UMAD1: variants seen among roughly 807,000 people sequenced by gnomAD.
UMAD1 encodes UBAP1-MVB12-associated (UMA) domain containing 1, also known as UBAP1-MVB12-associated (UMA)-domain containing protein 1.
UMAD1 carries 8 observed loss-of-function variants against 6.1 expected under a neutral mutation model. That is an observed-to-expected ratio of 1.30 (90% CI 0.76 to 2.35). UMAD1 has a LOEUF of 2.35. Among genes scored for constraint, UMAD1 ranks in the 30% most tolerant of loss-of-function variants. UMAD1 has a pLI of 0.00. For synonymous variants in UMAD1, 56 were observed against 31.4 expected, an observed-to-expected ratio of 1.78 and a Z score of -2.61; for missense variants, 130 against 78.4, an observed-to-expected ratio of 1.66 and a Z score of -2.49.
intron 3 of UMAD1, among the ~76,000 whole-genome samples, chr7:7,805,181 A>G (rs1341344374): frequency 6.6e-6 from 1 of 152,038 alleles, no homozygotes; most frequent in Non-Finnish European, 1.5e-5. Flanking sequence ...TCTGTACCCA[A>G]CTGCCTATGT....
At chr7:7,731,953 C>T (rs920391333) in intron 2 of UMAD1, among the ~76,000 whole-genome samples, 3 of 152,106 alleles carry the variant, frequency 2.0e-5, no homozygotes, top group Non-Finnish European at 4.4e-5. Context: ...TTTTCCTTAT[C>T]TGTACAATGG....
chr7:7,871,227 T>C (rs1224650614), intron 3 of UMAD1, among the ~76,000 whole-genome samples: 1 of 152,212 alleles, frequency 6.6e-6, no homozygotes, highest in Non-Finnish European at 1.5e-5. Context: ...TACAAAATAT[T>C]AGCATCTTTT....
At chr7:7,763,303 C>T (rs1361348095) in intron 2 of UMAD1, among the ~76,000 whole-genome samples, 1 of 151,946 alleles carries the variant, frequency 6.6e-6, no homozygotes, top group Non-Finnish European at 1.5e-5. Context: ...GGTGCATGCG[C>T]AAGTTTGTTA....
At chr7:7,749,111 T>C (rs1781630365) in intron 2 of UMAD1, among the ~76,000 whole-genome samples, 1 of 152,234 alleles carries the variant, frequency 6.6e-6, no homozygotes, top group South Asian at 2.1e-4. Flanking sequence ...ATACTTGGTA[T>C]TGGTGTTTTA....
Position 7,771,027 on chromosome 7 carries a change from T to TGGAG in UMAD1, c.83-30641_83-30638dup, listed in dbSNP as rs766978598. 2.0e-4 allele frequency among the ~76,000 whole-genome samples: 30 copies of TGGAG among 151,338 alleles called. No individual in the cohort carries two copies. In the Middle Eastern group the frequency reaches 0.014, roughly 69 times the overall value. On this transcript the variant is annotated intron_variant, in intron 2 of 3. Coordinates refer to ENST00000682710, the MANE Select transcript of UMAD1 (RefSeq NM_001302348.2). Reference sequence around the variant, plus strand: ...CAACCCTAGAGAGTAACACAGGAGGTGGAGGAAGAGGACCCTGTAAAGGAG... The same window carrying TGGAG: ...CAACCCTAGAGAGTAACACAGGAGGTGGAGGGAGGAAGAGGACCCTGTAAAGGAG...
At chr7:7,731,491 C>CCCCAAA (rs1554321024) in intron 2 of UMAD1, among the ~76,000 whole-genome samples, 2 of 134,516 alleles carry the variant, frequency 1.5e-5, no homozygotes, top group African/African-American at 2.8e-5. Context: ...AACCCCCCCC[C>CCCCAAA]AAAAAAAAAA....
At chr7:7,817,025 C>T (rs555726047) in intron 3 of UMAD1, among the ~76,000 whole-genome samples, 15 of 152,288 alleles carry the variant, frequency 9.8e-5, no homozygotes, top group African/African-American at 3.1e-4. Context: ...TGGTCCTGCT[C>T]CTCTGTGTAA....
At position 7,685,334 on chromosome 7, in the gene UMAD1, G is replaced by T. The variant is rs1489017585; in HGVS notation, c.82+11881G>T. 2.8e-5 allele frequency among the ~76,000 whole-genome samples: 4 copies of T among 143,186 alleles called. No individual in the cohort carries two copies. In the South Asian group the frequency reaches 6.5e-4, roughly 23 times the overall value. The allele number at this position is 143,186 out of a possible 152,430, so 93.9% of individuals were successfully genotyped here. A position where few individuals can be genotyped will look rare whatever the true frequency, so the allele number is the denominator to read the frequency against. ...TTGATCTTTTTTTTTTTTTTGAGAC[G>T]GAGTCTTGCTCTGTCTCCAGGCTGG... On this transcript the variant is annotated intron_variant, in intron 2 of 3. Transcript: ENST00000682710.
intron 3 of UMAD1, among the ~76,000 whole-genome samples, chr7:7,855,871 A>G (rs1443991241): frequency 6.6e-6 from 1 of 152,150 alleles, no homozygotes; most frequent in African/African-American, 2.4e-5. Context: ...TCCGCCAGAT[A>G]CCCTACATCG....
At chr7:7,834,885 T>TA (rs1319381255) in intron 3 of UMAD1, among the ~76,000 whole-genome samples, 14 of 152,016 alleles carry the variant, frequency 9.2e-5, no homozygotes, top group Non-Finnish European at 2.1e-4. Flanking sequence ...TCAGGACACT[T>TA]ACAATCAGGG....
At chr7:7,726,242 C>G (rs1014693884) in intron 2 of UMAD1, among the ~76,000 whole-genome samples, 2 of 152,150 alleles carry the variant, frequency 1.3e-5, no homozygotes, top group Admixed American at 6.5e-5. Flanking sequence ...ATGCTTCTGC[C>G]AAGACTATCA....
At chr7:7,687,682 G>A (rs981259642) in intron 2 of UMAD1, among the ~76,000 whole-genome samples, 2 of 152,144 alleles carry the variant, frequency 1.3e-5, no homozygotes, top group Admixed American at 6.6e-5. Context: ...ATTTGAAAAG[G>A]ATTCACTTCC....
At chr7:7,674,275 T>A (rs1029489455) in intron 2 of UMAD1, among the ~76,000 whole-genome samples, 1 of 152,224 alleles carries the variant, frequency 6.6e-6, no homozygotes, top group African/African-American at 2.4e-5. Flanking sequence ...GATACTGGTT[T>A]CCTACCTCTT....
chr7:7,775,817 G>C (rs768843606), intron 2 of UMAD1, among the ~76,000 whole-genome samples: 1 of 152,106 alleles, frequency 6.6e-6, no homozygotes, highest in Non-Finnish European at 1.5e-5. Context: ...CAGGAGAAAT[G>C]AAAAAATATA....
chr7:7,644,307 G>A (rs1182050342), intron 1 of UMAD1, among the ~76,000 whole-genome samples: 1 of 146,870 alleles, frequency 6.8e-6, no homozygotes, highest in Non-Finnish European at 1.5e-5. Context: ...TGGTACAAGT[G>A]TTGTCTGTTT....
chr7:7,647,572 C>G (rs1785124535), intron 1 of UMAD1, among the ~76,000 whole-genome samples: 1 of 152,100 alleles, frequency 6.6e-6, no homozygotes, highest in Non-Finnish European at 1.5e-5. Context: ...GTAGCATTGT[C>G]AAATTTCTCC....
chr7:7,876,496 T>C (rs1163844738), intron 3 of UMAD1, among the ~76,000 whole-genome samples: 1 of 152,172 alleles, frequency 6.6e-6, no homozygotes, highest in African/African-American at 2.4e-5. Flanking sequence ...TCATCTTCAT[T>C]GCTGTAAATA....
intron 2 of UMAD1, among the ~76,000 whole-genome samples, chr7:7,680,697 T>A (rs957139507): frequency 2.4e-4 from 37 of 151,572 alleles, no homozygotes; most frequent in South Asian, 1.0e-3. Flanking sequence ...CATTTTTTTT[T>A]ATGTGTGTTC....
intron 2 of UMAD1, among the ~76,000 whole-genome samples, chr7:7,749,001 T>C (rs1781628681): frequency 6.6e-6 from 1 of 152,142 alleles, no homozygotes; most frequent in Non-Finnish European, 1.5e-5. Context: ...TGGGCTCTTC[T>C]TCGCCCAGAT....
Sources: allele counts gnomAD v4.1 joint callset (sites outside exome capture counted in the v4.1 genomes callset), GRCh38; gene constraint gnomAD v4.1.1; transcripts MANE v1.5; gene names NCBI Gene and HGNC (gene_info 2026-07-23, HGNC 2026-07-21).